Variants in MARK4 observed in about 807,000 individuals in gnomAD.
MARK4 encodes microtubule affinity regulating kinase 4, also known as MAP/microtubule affinity-regulating kinase 4.
In MARK4, 19 loss-of-function variants were observed where a neutral mutation model predicts 81.5. That is an observed-to-expected ratio of 0.23 (90% CI 0.16 to 0.34). The LOEUF (loss-of-function observed/expected upper bound fraction) is 0.34. MARK4 is among the 10% of genes least tolerant of loss of function. The pLI, the probability that MARK4 is intolerant of heterozygous loss-of-function variation, is 1.00. For synonymous variants in MARK4, 436 were observed against 439.0 expected (o/e 0.99, Z 0.08); for missense variants, 772 against 1,058.8 (o/e 0.73, Z 3.76).
intron 7 of MARK4, among the ~76,000 whole-genome samples, chr19:45,269,722 C>T (rs1457364203): frequency 6.6e-6 from 1 of 152,192 alleles, no homozygotes; most frequent in Non-Finnish European, 1.5e-5. Context: ...AGTTGTGCTG[C>T]TTTCTTGCAA....
intron 1 of MARK4, among the ~76,000 whole-genome samples, chr19:45,258,701 A>AG (rs920211588): frequency 2.0e-5 from 3 of 151,710 alleles, no homozygotes; most frequent in African/African-American, 7.3e-5. Context: ...CTCCATCCGA[A>AG]GGAAAAAAAA....
intron 15 of MARK4, chr19:45,298,251 T>C: frequency 6.2e-7 from 1 of 1,608,618 alleles, no homozygotes; most frequent in Middle Eastern, 1.7e-4. Flanking sequence ...CTGTTCTCGC[T>C]GGCTCTGCCT....
intron 12 of MARK4, among the ~76,000 whole-genome samples, chr19:45,282,376 C>T (rs1253837841): frequency 6.6e-6 from 1 of 151,950 alleles, no homozygotes; most frequent in East Asian, 1.9e-4. Context: ...AATTCATATA[C>T]CAAACAACGT....
At chr19:45,299,535 G>C (rs140541566) in intron 15 of MARK4, among the ~76,000 whole-genome samples, 345 of 152,258 alleles carry the variant, frequency 2.3e-3, no homozygotes, top group African/African-American at 7.9e-3. Flanking sequence ...CTTTCTCTCT[G>C]TGGCCACTTA....
At position 45,251,411 on chromosome 19, in the gene MARK4, C is replaced by T; in HGVS notation, c.-178C>T. 1 of 432,108 alleles carries T rather than the reference C, an allele frequency of 2.3e-6. No individual in the cohort carries two copies. Among genetic ancestry groups the T allele is most frequent in the Non-Finnish European group, 4.1e-6 (1 of 242,824 alleles). The allele number at this position is 432,108 out of a possible 1,614,324, so 26.8% of individuals were successfully genotyped here. Reference sequence around the variant, plus strand: ...CGCTGCACGGGGCCACTAGGACCCTCGGCGTCCCTTCCCCTCCCCCGCCCT... The same window carrying T: ...CGCTGCACGGGGCCACTAGGACCCTTGGCGTCCCTTCCCCTCCCCCGCCCT... On this transcript the variant is annotated 5_prime_UTR_variant, in exon 1 of 17. Coordinates refer to ENST00000262891, the MANE Select transcript of MARK4 (RefSeq NM_001199867.2).
In MARK4 at chr19:45,297,752, C is replaced by G; in HGVS notation, c.1675C>G (p.Leu559Val). 1 of 1,579,678 alleles carries G rather than the reference C, an allele frequency of 6.3e-7. No homozygotes were observed. Among genetic ancestry groups the G allele is most frequent in the Non-Finnish European group, 8.6e-7 (1 of 1,166,470 alleles). Reference sequence around the variant, plus strand: ...ACCCCCATCAGGGGAGCGGAGCCGCCTGGCACGTGGTTCCACCATCCGCAG... The same window carrying G: ...ACCCCCATCAGGGGAGCGGAGCCGCGTGGCACGTGGTTCCACCATCCGCAG... ...LAPPSGERSRLARGSTIRSTF... is the reference protein window; with the variant it reads ...LAPPSGERSRVARGSTIRSTF... The change falls in exon 15 of 17, where the codon CTG becomes GTG. Residue 559 changes from leucine to valine, a missense_variant. Transcript: ENST00000262891.
At position 45,280,376 on chromosome 19, in the gene MARK4, G is replaced by A. The variant is rs1419404121; in HGVS notation, c.1009G>A (p.Val337Met). The change falls in exon 11 of 17, where the codon GTG (valine) becomes ATG (methionine). Residue 337 changes from valine (V) to methionine (M), a missense_variant and splice_region_variant. Around this residue, in one of 3 missense-constraint regions of MARK4, gnomAD observed 548 missense variants for 624.3 expected, o/e 0.88. Coordinates refer to ENST00000262891, the MANE Select transcript of MARK4 (RefSeq NM_001199867.2). ...TTCTCTCCATCCCCCCCTCCCAGAG[G>A]TGATGGTGGGTATGGGCTACACACG... ...EDFGDTKRIE[V>M]MVGMGYTREE... is the part of the protein sequence containing the mutation. 2 of 1,613,826 alleles carry A rather than the reference G, an allele frequency of 1.2e-6. No individual in the cohort carries two copies. Among genetic ancestry groups the A allele is most frequent in the African/African-American group, 1.3e-5 (1 of 75,028 alleles).
rs200047371 is a variant in MARK4, at chr19:45,259,025, G to T, written c.88G>T (p.Gly30Cys). Residue 30 changes from glycine (G) to cysteine (C), a missense_variant, in exon 2 of 17, where the codon GGC becomes TGC. Physicochemically the swap from Gly to Cys is radical, Grantham distance 159 (BLOSUM62 -3). Transcript: ENST00000262891. ...GGGCAGTGGCCGCTCCTCGGACAAA[G>T]GCCCGTCCTGGTCCAGCCGCTCACT... Reference protein sequence around the residue: ...TLGSGRSSDKGPSWSSRSLGA... With the variant: ...TLGSGRSSDKCPSWSSRSLGA... 1.1e-3 allele frequency: 1,760 copies of T among 1,613,500 alleles called. 10 individuals are homozygous for T. Among genetic ancestry groups the T allele is most frequent in the Non-Finnish European group, 5.8e-4 (680 of 1,179,992 alleles).
At chr19:45,256,291 A>G (rs56094381) in intron 1 of MARK4, among the ~76,000 whole-genome samples, 68,591 of 151,846 alleles carry the variant, frequency 0.45, 16,594 homozygotes, top group Non-Finnish European at 0.55. Context: ...TACAAAATTA[A>G]CCAGGTGTGG....
chr19:45,274,079 C>G (rs1348926297), intron 8 of MARK4, among the ~76,000 whole-genome samples: 1 of 151,504 alleles, frequency 6.6e-6, no homozygotes, highest in Non-Finnish European at 1.5e-5. Flanking sequence ...GAAACCCCGT[C>G]TCTTCTAAAA....
chr19:45,293,535 A>C (rs1392304398), intron 13 of MARK4, among the ~76,000 whole-genome samples: 1 of 152,230 alleles, frequency 6.6e-6, no homozygotes, highest in Non-Finnish European at 1.5e-5. Flanking sequence ...CTTGTTAAAG[A>C]AATTGAATTC....
rs748513050 is a variant in MARK4 at position 45,259,043 on chromosome 19, C to T, written c.106C>T (p.Arg36Cys). 6.8e-6 allele frequency: 11 copies of T among 1,613,812 alleles called. No homozygotes were observed. Among genetic ancestry groups the T allele is most frequent in the South Asian group, 4.4e-5 (4 of 91,074 alleles). ...GGACAAAGGCCCGTCCTGGTCCAGC[C>T]GCTCACTGGGTGCCCGTTGCCGGAA... The part of the protein sequence containing the change: ...SSDKGPSWSS[R>C]SLGARCRNSI... The change falls in exon 2 of 17, where the codon CGC becomes TGC. Residue 36 changes from arginine to cysteine, a missense_variant. This residue lies in a region of MARK4 where 115 missense variants were observed against 139.8 expected (regional missense o/e 0.82). Transcript: ENST00000262891.
At chr19:45,265,000 A>G (rs1338212355) in intron 6 of MARK4, 90 bp downstream of exon 6, 2 of 1,317,682 alleles carry the variant, frequency 1.5e-6, no homozygotes, top group Non-Finnish European at 2.2e-6. Flanking sequence ...CTGTCCAGCG[A>G]CCTGGGGGCG....
intron 8 of MARK4, among the ~76,000 whole-genome samples, chr19:45,277,368 G>A (rs541518723): frequency 5.3e-5 from 8 of 151,946 alleles, no homozygotes; most frequent in South Asian, 2.1e-4. Context: ...GTGAGCCACC[G>A]TGCCTGGCCA....
At chr19:45,292,108 G>A (rs1444220152) in intron 13 of MARK4, among the ~76,000 whole-genome samples, 1 of 152,170 alleles carries the variant, frequency 6.6e-6, no homozygotes, top group Non-Finnish European at 1.5e-5. Flanking sequence ...CCCAAGAACA[G>A]CAAAGTACGA....
intron 1 of MARK4, among the ~76,000 whole-genome samples, chr19:45,256,428 ACT>A (rs1260101957): frequency 6.6e-6 from 1 of 152,030 alleles, no homozygotes. Flanking sequence ...CAAGAGTGAA[ACT>A]CTGTGTCAAA....
rs562092105 is a variant in MARK4, at chr19:45,266,923, G to A, written c.549+642G>A. Among the ~76,000 whole-genome samples the A allele has an allele frequency of 1.1e-4, 17 of 151,672 alleles. No homozygotes were observed. The South Asian group carries it at 2.9e-3, about 26-fold the overall frequency. On this transcript the variant is annotated intron_variant, in intron 7 of 16. Transcript: ENST00000262891. Reference sequence around the variant, plus strand: ...AATTTTTTATATTTTTAGTAGAGACGGGGTTTCACCGTGTTAGCCAGGATG... The same window carrying A: ...AATTTTTTATATTTTTAGTAGAGACAGGGTTTCACCGTGTTAGCCAGGATG...
rs1744648467 is a variant in MARK4 at position 45,271,089 on chromosome 19, AGAGATG to A, written c.550-381_550-376del. Among the ~76,000 whole-genome samples, 1 of 152,022 alleles carries A rather than the reference AGAGATG, an allele frequency of 6.6e-6. No individual in the cohort carries two copies. The highest frequency in any genetic ancestry group is 2.4e-5 in the African/African-American group (1 of 41,406). Reference sequence around the variant, plus strand: ...CCAGCCCAATTTTTGTATTTTTAGTAGAGATGGGGATTCACCATGTTGGCCAGGCCG... The same window carrying A: ...CCAGCCCAATTTTTGTATTTTTAGTAGGGATTCACCATGTTGGCCAGGCCG... On this transcript the variant is annotated intron_variant, in intron 7 of 16. Coordinates refer to ENST00000262891, the MANE Select transcript of MARK4 (RefSeq NM_001199867.2). This position sits in a 1 kb window ranked among gnomAD's most constrained non-coding sequence, Gnocchi z 4.1.
At chr19:45,301,138 C>T (rs1970965769) in intron 16 of MARK4, among the ~76,000 whole-genome samples, 1 of 152,176 alleles carries the variant, frequency 6.6e-6, no homozygotes, top group African/African-American at 2.4e-5. Flanking sequence ...CCCCCAGAGG[C>T]CGAGCACAGT....
Sources: allele counts gnomAD v4.1 joint callset (sites outside exome capture counted in the v4.1 genomes callset), GRCh38; gene constraint gnomAD v4.1.1; regional missense constraint gnomAD v4.1.1; non-coding constraint Gnocchi (gnomAD v3.1); transcripts MANE v1.5; gene names NCBI Gene and HGNC (gene_info 2026-07-23, HGNC 2026-07-21).